GRIP1: variants seen among roughly 807,000 people sequenced by gnomAD.
GRIP1 encodes the protein glutamate receptor interacting protein 1, also known as glutamate receptor-interacting protein 1.
In GRIP1, 45 loss-of-function variants were observed where a neutral mutation model predicts 129.9. That is an observed-to-expected ratio of 0.35 (90% CI 0.27 to 0.44). The LOEUF is 0.44. Among genes scored for constraint, GRIP1 ranks in the 20% least tolerant of loss-of-function variants. GRIP1 has a pLI of 1.00. For synonymous variants in GRIP1, 530 were observed against 520.8 expected (o/e 1.02, Z -0.24); for missense variants, 1,196 against 1,396.8 (o/e 0.86, Z 2.29).
intron 23 of GRIP1, among the ~76,000 whole-genome samples, chr12:66,364,265 CAAAAAAAAAAA>C (rs1159887365): frequency 6.1e-5 from 1 of 16,346 alleles, no homozygotes; most frequent in Non-Finnish European, 1.1e-4. Flanking sequence ...GACTCCATCT[CAAAAAAAAAAA>C]AAAAAAAAAA....
intron 1 of GRIP1, among the ~76,000 whole-genome samples, chr12:67,063,685 A>G (rs1418500747): frequency 6.6e-6 from 1 of 152,228 alleles, no homozygotes; most frequent in Non-Finnish European, 1.5e-5. Flanking sequence ...TGCCTTTAAT[A>G]GTTTGCCATC....
intron 1 of GRIP1, among the ~76,000 whole-genome samples, chr12:67,054,186 G>A (rs1326726455): frequency 1.3e-5 from 2 of 152,104 alleles, no homozygotes; most frequent in African/African-American, 4.8e-5. Context: ...TAAAAGCAAT[G>A]GAAATCTTAA....
intron 1 of GRIP1, among the ~76,000 whole-genome samples, chr12:67,054,573 G>T (rs2043402097): frequency 6.6e-6 from 1 of 152,066 alleles, no homozygotes; most frequent in African/African-American, 2.4e-5. Context: ...AGACTAGCCT[G>T]GCCAAAATGG....
At position 66,514,794 on chromosome 12, in the gene GRIP1, GA is replaced by G. The variant is rs200559812; in HGVS notation, c.724+824del. ...GAGTCATACAGTGTGAGAAATAAAGGAGTATGCAGTTATAGAGTAAGCCTCT... is the reference window on the plus strand; with the variant it reads ...GAGTCATACAGTGTGAGAAATAAAGGGTATGCAGTTATAGAGTAAGCCTCT... On this transcript the variant is annotated intron_variant, in intron 7 of 24. Coordinates refer to ENST00000359742, the MANE Select transcript of GRIP1 (RefSeq NM_001366722.1). Among the ~76,000 whole-genome samples, 551 of 152,226 alleles carry G rather than the reference GA, an allele frequency of 3.6e-3. 1 individual carries two copies. The highest frequency in any genetic ancestry group is 0.013 in the African/African-American group (532 of 41,540).
chr12:66,731,280 T>C (rs1004591906), intron 1 of GRIP1, among the ~76,000 whole-genome samples: 1 of 152,222 alleles, frequency 6.6e-6, no homozygotes, highest in African/African-American at 2.4e-5. Flanking sequence ...AAACCACTTT[T>C]GGACTATCAT....
chr12:66,909,244 ACCTCTATCTCAAATGG>A (rs2040989106), intron 1 of GRIP1, among the ~76,000 whole-genome samples: 1 of 151,734 alleles, frequency 6.6e-6, no homozygotes, highest in Non-Finnish European at 1.5e-5. Flanking sequence ...TACTTTCCTC[ACCTCTATCTCAAATGG>A]CCTCTTTCAC....
chr12:66,834,177 C>A (rs1418411313), intron 1 of GRIP1, among the ~76,000 whole-genome samples: 395 of 95,116 alleles, frequency 4.2e-3, no homozygotes, highest in African/African-American at 8.7e-3. Context: ...GACTTCATCT[C>A]AAAAAAAAAA....
chr12:66,653,713 A>G lies in GRIP1; in HGVS notation c.55+25137T>C, dbSNP rs118122184. 4.2e-3 allele frequency among the ~76,000 whole-genome samples: 636 copies of G among 152,304 alleles called. 4 individuals are homozygous for G. The highest frequency in any genetic ancestry group is 7.3e-3 in the Non-Finnish European group (494 of 68,038). On this transcript the variant is annotated intron_variant, in intron 1 of 24. Transcript: ENST00000359742. ...AATCGACTGCCTGAAACATCAACAC[A>G]ATTCAGTGGATACCTCCAATAGACT...
At chr12:67,045,707 AG>A (rs200390381) in intron 1 of GRIP1, among the ~76,000 whole-genome samples, 1,657 of 152,318 alleles carry the variant, frequency 0.011, 19 homozygotes, top group Middle Eastern at 0.031. Context: ...CTGAATAAAA[AG>A]ATGCTTGGAG....
chr12:66,519,863 A>C (rs926151837), intron 5 of GRIP1, among the ~76,000 whole-genome samples: 2 of 152,232 alleles, frequency 1.3e-5, no homozygotes, highest in African/African-American at 4.8e-5. Flanking sequence ...TCCTTGTCTA[A>C]AGTGTAAAGC....
intron 1 of GRIP1, among the ~76,000 whole-genome samples, chr12:66,654,251 A>T (rs2032996787): frequency 6.6e-6 from 1 of 152,220 alleles, no homozygotes; most frequent in Admixed American, 6.5e-5. Context: ...TAAAAAACCA[A>T]ATTAAACCAC....
chr12:66,548,917 C>T (rs1276863695), intron 2 of GRIP1, among the ~76,000 whole-genome samples: 1 of 152,140 alleles, frequency 6.6e-6, no homozygotes, highest in African/African-American at 2.4e-5. Context: ...AAGATCTTCA[C>T]CACATGGCTG....
rs534280782 is a variant in GRIP1 at position 66,697,649 on chromosome 12, T to C, written c.-419-67313A>G. 6.6e-5 allele frequency among the ~76,000 whole-genome samples: 10 copies of C among 152,312 alleles called. No individual in the cohort carries two copies. The South Asian group carries it at 1.9e-3, about 28-fold the overall frequency. Reference sequence around the variant, plus strand: ...AGGGCTGAGAAGCGTGCTAACTGGCTGCACTGAGCTGAGTCAGGCACAGGG... The same window carrying C: ...AGGGCTGAGAAGCGTGCTAACTGGCCGCACTGAGCTGAGTCAGGCACAGGG... On this transcript the variant is annotated intron_variant, in intron 1 of 4. Coordinates refer to the GRIP1 transcript ENST00000538373.
chr12:66,409,594 A>G (rs1316868855), intron 15 of GRIP1, among the ~76,000 whole-genome samples: 2 of 152,234 alleles, frequency 1.3e-5, no homozygotes, highest in African/African-American at 4.8e-5. Flanking sequence ...CAGACTGCAA[A>G]GACTATAATA....
intron 1 of GRIP1, among the ~76,000 whole-genome samples, chr12:66,842,019 C>T (rs529430687): frequency 6.8e-4 from 104 of 152,102 alleles, no homozygotes; most frequent in Non-Finnish European, 7.9e-4. Context: ...TACCCTTGCC[C>T]CTATGCCCTC....
At chr12:66,852,441 A>G (rs2039929293) in intron 1 of GRIP1, among the ~76,000 whole-genome samples, 1 of 151,716 alleles carries the variant, frequency 6.6e-6, no homozygotes, top group Non-Finnish European at 1.5e-5. Flanking sequence ...GTTAGGAAAG[A>G]TTTTTAAACA....
intron 1 of GRIP1, among the ~76,000 whole-genome samples, chr12:66,733,590 T>G (rs1278611211): frequency 6.6e-6 from 1 of 152,154 alleles, no homozygotes; most frequent in African/African-American, 2.4e-5. Flanking sequence ...GGAAGGCTCC[T>G]GGGTCCCACT....
intron 1 of GRIP1, among the ~76,000 whole-genome samples, chr12:66,628,447 T>C (rs1239274729): frequency 1.3e-5 from 2 of 152,162 alleles, no homozygotes; most frequent in East Asian, 1.9e-4. Flanking sequence ...AAATCTAAAC[T>C]AGCTTGTTCC....
intron 1 of GRIP1, among the ~76,000 whole-genome samples, chr12:66,879,827 G>A: frequency 6.6e-6 from 1 of 152,084 alleles, no homozygotes; most frequent in East Asian, 1.9e-4. Context: ...CAGAGCTTAT[G>A]GGCAATTGAA....
Sources: gnomAD v4.1 joint callset for allele counts (sites outside exome capture counted in the v4.1 genomes callset) on GRCh38, gnomAD v4.1.1 for gene constraint, MANE v1.5 for transcripts, NCBI Gene and HGNC (gene_info 2026-07-23, HGNC 2026-07-21) for gene names.